Variants in SEMA3A observed in about 807,000 individuals in gnomAD.
SEMA3A encodes semaphorin-3A.
SEMA3A carries 29 observed loss-of-function variants against 97.9 expected under a neutral mutation model. The ratio of observed to expected loss-of-function variants is 0.30; its 90% CI spans 0.22 to 0.40. The LOEUF is 0.40. Among genes scored for constraint, SEMA3A ranks in the 10% least tolerant of loss-of-function variants. The pLI, the probability that SEMA3A is intolerant of heterozygous loss-of-function variation, is 1.00. For missense variants in SEMA3A, 763 were observed against 951.3 expected, an observed-to-expected ratio of 0.80 and a Z score of 2.60; for synonymous variants, 321 against 323.7, an observed-to-expected ratio of 0.99 and a Z score of 0.09.
At chr7:84,190,312 G>T (rs574439225) in intron 1 of SEMA3A, among the ~76,000 whole-genome samples, 2 of 151,650 alleles carry the variant, frequency 1.3e-5, no homozygotes, top group African/African-American at 2.4e-5. Flanking sequence ...ATTTGCCAGG[G>T]TATACTTGTT....
intron 9 of SEMA3A, 62 bp downstream of exon 9, chr7:84,010,960 G>T: frequency 8.0e-7 from 1 of 1,245,238 alleles, no homozygotes; most frequent in East Asian, 2.3e-5. Context: ...TGCAAATTAT[G>T]AGTACTTGGA....
chr7:84,028,652 T>C (rs1220092155), intron 6 of SEMA3A, among the ~76,000 whole-genome samples: 1 of 152,254 alleles, frequency 6.6e-6, no homozygotes, highest in African/African-American at 2.4e-5. Flanking sequence ...TTGACCAGGC[T>C]GGAGTGCAGT....
intron 2 of SEMA3A, among the ~76,000 whole-genome samples, chr7:84,356,139 T>C (rs1444933949): frequency 6.6e-6 from 1 of 151,962 alleles, no homozygotes; most frequent in African/African-American, 2.4e-5. Context: ...ATTGTTTTCC[T>C]TCTGAAAATT....
rs182356184 is a variant in SEMA3A at position 84,281,718 on chromosome 7, G to T, written c.-83+25489C>A. On this transcript the variant is annotated intron_variant, in intron 3 of 3. Transcript: ENST00000424555. ...AGTAGGTTCAAATTCCATCTCTGTTGCTCATTAACTGTGCAATCTTGAGTG... is the reference window on the plus strand; with the variant it reads ...AGTAGGTTCAAATTCCATCTCTGTTTCTCATTAACTGTGCAATCTTGAGTG... 3.9e-3 allele frequency among the ~76,000 whole-genome samples: 596 copies of T among 152,208 alleles called. 1 individual carries two copies. Among genetic ancestry groups the T allele is most frequent in the Middle Eastern group, 0.017 (5 of 294 alleles).
At position 84,091,195 on chromosome 7, in the gene SEMA3A, A is replaced by G. The variant is rs1032184749; in HGVS notation, c.453+19275T>C. ...AAGAAAGAAAGAAAGAAAGAAAGAA[A>G]GAAAGAAAGAAAGAAAGAAAAGAAA... On this transcript the variant is annotated intron_variant, in intron 4 of 16. Transcript: ENST00000265362. Among the ~76,000 whole-genome samples the G allele has an allele frequency of 6.4e-4, 51 of 80,026 alleles. 1 individual carries two copies. Among genetic ancestry groups the G allele is most frequent in the Admixed American group, 2.6e-3 (16 of 6,270 alleles). 52.5% of individuals were successfully genotyped at this position (80,026 alleles called of 152,430 possible). A position where few individuals can be genotyped will look rare whatever the true frequency, so the allele number is the denominator to read the frequency against.
chr7:84,386,651 A>C (rs935674313), intron 1 of SEMA3A, among the ~76,000 whole-genome samples: 1 of 152,224 alleles, frequency 6.6e-6, no homozygotes, highest in Non-Finnish European at 1.5e-5. Flanking sequence ...TACCTATTTT[A>C]AGATAGTAAA....
intron 2 of SEMA3A, among the ~76,000 whole-genome samples, chr7:84,355,906 A>T (rs910417769): frequency 6.6e-6 from 1 of 151,618 alleles, no homozygotes; most frequent in Non-Finnish European, 1.5e-5. Flanking sequence ...GAACATGTTG[A>T]TCTGATGAGC....
intron 12 of SEMA3A, among the ~76,000 whole-genome samples, chr7:83,998,573 A>AT (rs1312787847): frequency 6.6e-6 from 1 of 151,888 alleles, no homozygotes; most frequent in Non-Finnish European, 1.5e-5. Flanking sequence ...GGCTACACTA[A>AT]TTTTTTTTAA....
At chr7:84,005,234 T>C in intron 11 of SEMA3A, 105 bp downstream of exon 11, 1 of 786,524 alleles carries the variant, frequency 1.3e-6, no homozygotes, top group Non-Finnish European at 2.2e-6. Flanking sequence ...GATTTTCAAC[T>C]GCACAGAGGG....
At chr7:84,445,516 A>AAAAAAAAAG (rs1805391070) in intron 1 of SEMA3A, among the ~76,000 whole-genome samples, 12 of 123,704 alleles carry the variant, frequency 9.7e-5, no homozygotes, top group South Asian at 2.5e-4. Flanking sequence ...AAAAAAAAAA[A>AAAAAAAAAG]AAAAGAAAAG....
At chr7:84,274,487 T>C (rs2115716377) in intron 3 of SEMA3A, among the ~76,000 whole-genome samples, 1 of 152,180 alleles carries the variant, frequency 6.6e-6, no homozygotes, top group Non-Finnish European at 1.5e-5. Context: ...CTGAAAGGGG[T>C]TGCCCGGAAC....
At chr7:84,194,871 A>G (rs1295819500), upstream of SEMA3A, 1 of 279,824 alleles carries the variant, frequency 3.6e-6, no homozygotes, top group Admixed American at 5.1e-5. Flanking sequence ...AAAAAAAAAA[A>G]AAATTAACAA....
intron 4 of SEMA3A, among the ~76,000 whole-genome samples, chr7:84,107,641 G>A (rs1795150512): frequency 6.6e-6 from 1 of 152,096 alleles, no homozygotes; most frequent in Admixed American, 6.6e-5. Flanking sequence ...AGGAAATCCT[G>A]GTAAATGGCC....
intron 6 of SEMA3A, among the ~76,000 whole-genome samples, chr7:84,029,981 CAT>C (rs1161133477): frequency 6.6e-6 from 1 of 151,974 alleles, no homozygotes. Flanking sequence ...CAACGTAAGA[CAT>C]GTCAATATAA....
chr7:84,477,515 TAAATA>T (rs992032701), intron 1 of SEMA3A, among the ~76,000 whole-genome samples: 2 of 147,374 alleles, frequency 1.4e-5, no homozygotes, highest in African/African-American at 5.0e-5. Flanking sequence ...GTTGTTTAAA[TAAATA>T]AAATGTGTAT....
At chr7:84,105,455 T>C (rs1795080274) in intron 4 of SEMA3A, among the ~76,000 whole-genome samples, 1 of 152,166 alleles carries the variant, frequency 6.6e-6, no homozygotes, top group African/African-American at 2.4e-5. Context: ...TTGGTTGTCA[T>C]TGTGGAAATG....
At chr7:84,119,618 C>G (rs372687016) in intron 3 of SEMA3A, among the ~76,000 whole-genome samples, 2 of 152,046 alleles carry the variant, frequency 1.3e-5, no homozygotes, top group Non-Finnish European at 2.9e-5. Context: ...AGACATAACA[C>G]GTCTGAGTAA....
intron 1 of SEMA3A, among the ~76,000 whole-genome samples, chr7:84,400,436 G>T (rs973574604): frequency 2.6e-5 from 4 of 152,176 alleles, no homozygotes; most frequent in Non-Finnish European, 4.4e-5. Context: ...ATTTAACAAA[G>T]AAATTAAAAT....
chr7:84,031,622 T>C (rs1170387349), intron 6 of SEMA3A, among the ~76,000 whole-genome samples: 2 of 151,834 alleles, frequency 1.3e-5, no homozygotes, highest in African/African-American at 4.8e-5. Context: ...TCACCTGAGG[T>C]TGGGAGTTCG....
Sources: gnomAD v4.1 joint callset for allele counts (sites outside exome capture counted in the v4.1 genomes callset) on GRCh38, gnomAD v4.1.1 for gene constraint, MANE v1.5 for transcripts, NCBI Gene and HGNC (gene_info 2026-07-23, HGNC 2026-07-21) for gene names.